Variants in ADGRD1 observed in about 807,000 individuals in gnomAD.
The protein encoded by ADGRD1 is adhesion G protein-coupled receptor D1, also known as G-protein coupled receptor 133.
Under a neutral mutation model 113.4 loss-of-function variants are expected in ADGRD1, and 77 were observed. The ratio of observed to expected loss-of-function variants is 0.68; its 90% CI spans 0.57 to 0.82. The LOEUF (loss-of-function observed/expected upper bound fraction) is 0.82, where lower values mean the gene tolerates loss of function less well. ADGRD1 is among the 40% of genes least tolerant of loss of function. The pLI, the probability that ADGRD1 is intolerant of heterozygous loss-of-function variation, is 0.00. For missense variants in ADGRD1, 1,036 were observed against 1,139.1 expected, an observed-to-expected ratio of 0.91 and a Z score of 1.30; for synonymous variants, 474 against 475.0, an observed-to-expected ratio of 1.00 and a Z score of 0.03.
chr12:131,098,718 G>A (rs904199585), intron 15 of ADGRD1, among the ~76,000 whole-genome samples: 2 of 152,202 alleles, frequency 1.3e-5, no homozygotes, highest in Non-Finnish European at 2.9e-5. Context: ...CCGCCCCTGT[G>A]TGTTTCCATC....
rs144356116 is a variant in ADGRD1, at chr12:131,009,907, G to A, written c.1331+3860G>A. 2.7e-3 allele frequency among the ~76,000 whole-genome samples: 406 copies of A among 152,330 alleles called. 1 individual carries two copies. The highest frequency in any genetic ancestry group is 9.1e-3 in the African/African-American group (380 of 41,554). On this transcript the variant is annotated intron_variant, in intron 12 of 24. Coordinates refer to ENST00000261654, the MANE Select transcript of ADGRD1 (RefSeq NM_198827.5). Reference sequence around the variant, plus strand: ...CTGAGAGTGTAGGTGAAGCCTATGCGTTGTACTGTTTTCTGGCAGATTTCC... The same window carrying A: ...CTGAGAGTGTAGGTGAAGCCTATGCATTGTACTGTTTTCTGGCAGATTTCC...
At chr12:131,059,212 G>A (rs779278631) in intron 13 of ADGRD1, among the ~76,000 whole-genome samples, 4 of 152,016 alleles carry the variant, frequency 2.6e-5, no homozygotes, top group South Asian at 4.2e-4. Flanking sequence ...GTCTCACTCC[G>A]TCACCCAGGC....
intron 15 of ADGRD1, among the ~76,000 whole-genome samples, chr12:131,099,255 C>T (rs558897242): frequency 1.4e-3 from 207 of 152,346 alleles, no homozygotes; most frequent in African/African-American, 4.9e-3. Flanking sequence ...GTGAAGCCCT[C>T]TCCCTCCTAA....
chr12:131,138,071 G>T, intron 23 of ADGRD1, 66 bp from the exon 24 acceptor site: 1 of 1,333,864 alleles, frequency 7.5e-7, no homozygotes, highest in Non-Finnish European at 1.1e-6. Context: ...CACCGGCACA[G>T]ACTCCTCTGG....
At chr12:131,054,190 C>A (rs1883650514) in intron 13 of ADGRD1, among the ~76,000 whole-genome samples, 1 of 152,152 alleles carries the variant, frequency 6.6e-6, no homozygotes, top group African/African-American at 2.4e-5. Context: ...AAGCATTTAC[C>A]CATAAAACCA....
chr12:131,111,974 ATG>A (rs1267904623), intron 18 of ADGRD1, among the ~76,000 whole-genome samples: 1 of 151,880 alleles, frequency 6.6e-6, no homozygotes, highest in Non-Finnish European at 1.5e-5. Context: ...ATTTTTCCCC[ATG>A]TGTGTGTCAC....
intron 4 of ADGRD1, chr12:130,978,325 C>T (rs1158104395): frequency 6.6e-6 from 1 of 152,038 alleles, no homozygotes; most frequent in Non-Finnish European, 1.5e-5. Flanking sequence ...TCTTATGACT[C>T]CTAGATTTTT....
intron 20 of ADGRD1, among the ~76,000 whole-genome samples, chr12:131,130,149 A>G (rs764808565): frequency 1.3e-5 from 2 of 152,230 alleles, no homozygotes; most frequent in African/African-American, 4.8e-5. Context: ...GGGGGGCATC[A>G]GCGTTTCTGG....
chr12:130,990,910 C>T, intron 6 of ADGRD1, 104 bp from the exon 7 acceptor site: 1 of 818,556 alleles, frequency 1.2e-6, no homozygotes, highest in Non-Finnish European at 2.0e-6. Context: ...CTCAGACTCT[C>T]TTCCATGTGT....
intron 11 of ADGRD1, among the ~76,000 whole-genome samples, chr12:131,004,909 T>G (rs1371237063): frequency 1.3e-5 from 2 of 152,234 alleles, no homozygotes; most frequent in Non-Finnish European, 2.9e-5. Context: ...CTCTGGTTCC[T>G]GGAAAAGCGA....
rs188309983 is a variant in ADGRD1 at position 131,006,176 on chromosome 12, G to A, written c.1331+129G>A. The A allele has an allele frequency of 3.3e-4, 254 of 759,546 alleles. 1 individual carries two copies. Among genetic ancestry groups the A allele is most frequent in the Non-Finnish European group, 4.9e-4 (218 of 447,530 alleles). The allele number at this position is 759,546 out of a possible 1,614,324, so 47.1% of individuals were successfully genotyped here. On this transcript the variant is annotated intron_variant, in intron 12 of 24. Transcript: ENST00000261654. ...GGACACGAGTACCGGGCGCTTCACT[G>A]CTCGGGCAAGGAAACGTGAAGCGTT...
Position 131,000,293 on chromosome 12 carries a change from G to T in ADGRD1, c.967-90G>T, listed in dbSNP as rs551039807. 3.2e-6 allele frequency: 3 copies of T among 925,508 alleles called. No homozygotes were observed. In the South Asian group the frequency reaches 3.9e-5, roughly 12 times the overall value. The allele number at this position is 925,508 out of a possible 1,614,324, so 57.3% of individuals were successfully genotyped here. A position where few individuals can be genotyped will look rare whatever the true frequency, so the allele number is the denominator to read the frequency against. On this transcript the variant is annotated intron_variant, in intron 8 of 24. Transcript: ENST00000261654. ...TAAAACTGAACTGGTGGTTGATAGA[G>T]ACCCATTGGAAGATGCGGGGAAAAC...
At chr12:131,002,750 CT>C in intron 9 of ADGRD1, 1 of 1,259,094 alleles carries the variant, frequency 7.9e-7, no homozygotes, top group Non-Finnish European at 1.0e-6. Flanking sequence ...AGCAGCCACC[CT>C]TCATGGAGAA....
intron 4 of ADGRD1, chr12:130,977,491 G>A (rs747285154): frequency 1.3e-5 from 2 of 152,306 alleles, no homozygotes; most frequent in Non-Finnish European, 2.9e-5. Flanking sequence ...TGAGTCTTGC[G>A]TGAAAGCGTA....
chr12:130,992,424 C>T (rs758315207), intron 8 of ADGRD1, 32 bp downstream of exon 8: 1 of 1,583,990 alleles, frequency 6.3e-7, no homozygotes, highest in South Asian at 1.1e-5. Context: ...GTCTGGTGGA[C>T]CGGGCGTGGC....
At chr12:130,992,805 C>T (rs1001400450) in intron 8 of ADGRD1, among the ~76,000 whole-genome samples, 3 of 152,256 alleles carry the variant, frequency 2.0e-5, no homozygotes, top group Non-Finnish European at 4.4e-5. Context: ...GTCCCCAAAG[C>T]TATCTAAACA....
At chr12:131,137,195 C>A in intron 23 of ADGRD1, 181 bp downstream of exon 23, 2 of 632,268 alleles carry the variant, frequency 3.2e-6, no homozygotes, top group East Asian at 2.7e-5. Flanking sequence ...GCTCTTCTCT[C>A]CCCGCCTAGT....
Position 130,981,954 on chromosome 12 carries a change from A to G in ADGRD1, c.381A>G (p.Gly127=), listed in dbSNP as rs1873049202. The change falls in exon 5 of 25, where the codon GGA becomes GGG. Residue 127 remains glycine, a synonymous_variant. Coordinates refer to ENST00000261654, the MANE Select transcript of ADGRD1 (RefSeq NM_198827.5). Reference sequence around the variant, plus strand: ...GACCAATCCCTTCTGCGTATGGGGGACAGGTCATCTCCAATGGGTTCAAAG... The same window carrying G: ...GACCAATCCCTTCTGCGTATGGGGGGCAGGTCATCTCCAATGGGTTCAAAG... ...QSRPIPSAYG[G]QVISNGFKVC... 6.2e-7 allele frequency: 1 copy of G among 1,613,502 alleles called. No individual in the cohort carries two copies. The highest frequency in any genetic ancestry group is 1.1e-5 in the South Asian group (1 of 91,058).
In ADGRD1 at chr12:131,138,183, G is replaced by A. The variant is rs563104462; in HGVS notation, c.2483G>A (p.Ser828Asn). The change falls in exon 24 of 25, where the codon AGC (serine) becomes AAC (asparagine). Residue 828 changes from serine (S) to asparagine (N), a missense_variant. Coordinates refer to ENST00000261654, the MANE Select transcript of ADGRD1 (RefSeq NM_198827.5). ...AAAACCAAGGTCTGGTCGCTCACGA[G>A]CAGCTCTGCCCGCACCTCCAACGCG... ...KHKTKVWSLTSSSARTSNAKP... is the reference protein window; with the variant it reads ...KHKTKVWSLTNSSARTSNAKP... The A allele has an allele frequency of 6.2e-7, 1 of 1,613,780 alleles. No individual in the cohort carries two copies. Among genetic ancestry groups the A allele is most frequent in the East Asian group, 2.2e-5 (1 of 44,878 alleles).
Sources: allele counts gnomAD v4.1 joint callset (sites outside exome capture counted in the v4.1 genomes callset), GRCh38; gene constraint gnomAD v4.1.1; transcripts MANE v1.5; gene names NCBI Gene and HGNC (gene_info 2026-07-23, HGNC 2026-07-21).